DLGAP2: variants seen among roughly 807,000 people sequenced by gnomAD.
The protein encoded by DLGAP2 is DLG associated protein 2.
Under a neutral mutation model 100.3 loss-of-function variants are expected in DLGAP2, and 26 were observed. That is an observed-to-expected ratio of 0.26 (90% CI 0.19 to 0.36). The LOEUF (loss-of-function observed/expected upper bound fraction) is 0.36, where lower values mean the gene tolerates loss of function less well. Ranked by LOEUF, DLGAP2 falls within the 10% of genes least tolerant of loss-of-function variation. The pLI, the probability that DLGAP2 is intolerant of heterozygous loss-of-function variation, is 1.00. For synonymous variants in DLGAP2, 886 were observed against 630.1 expected, an observed-to-expected ratio of 1.41 and a Z score of -6.08; for missense variants, 1,858 against 1,453.2, an observed-to-expected ratio of 1.28 and a Z score of -4.53.
At chr8:1,107,140 G>T (rs1220692169) in intron 2 of DLGAP2, among the ~76,000 whole-genome samples, 1 of 152,184 alleles carries the variant, frequency 6.6e-6, no homozygotes, top group African/African-American at 2.4e-5. Flanking sequence ...ATAAAAATCA[G>T]TGGGGGTACT....
intron 1 of DLGAP2, among the ~76,000 whole-genome samples, chr8:768,675 C>G (rs769423779): frequency 6.6e-6 from 1 of 151,892 alleles, no homozygotes; most frequent in African/African-American, 2.4e-5. Context: ...CTGCCCGCCT[C>G]GGCCTCCCAA....
At position 820,926 on chromosome 8, in the gene DLGAP2, T is replaced by C. The variant is rs575891224; in HGVS notation, c.18+83101T>C. Among the ~76,000 whole-genome samples, 3 of 152,260 alleles carry C rather than the reference T, an allele frequency of 2.0e-5. No homozygotes were observed. In the South Asian group the frequency reaches 6.2e-4, roughly 32 times the overall value. On this transcript the variant is annotated intron_variant, in intron 1 of 14. Transcript: ENST00000637795. ...TGTTAATATATTAATAGGAAGTGGATAAGTCTTGAAGAGCAGAATGTGAAT... is the reference window on the plus strand; with the variant it reads ...TGTTAATATATTAATAGGAAGTGGACAAGTCTTGAAGAGCAGAATGTGAAT...
chr8:1,069,429 G>T (rs1235157043), intron 2 of DLGAP2, among the ~76,000 whole-genome samples: 1 of 152,140 alleles, frequency 6.6e-6, no homozygotes, highest in Non-Finnish European at 1.5e-5. Context: ...TGTCCTCTCA[G>T]CCCTTAAGGT....
chr8:1,436,150 C>T (rs921434695), intron 3 of DLGAP2, among the ~76,000 whole-genome samples: 2 of 152,114 alleles, frequency 1.3e-5, no homozygotes, highest in Non-Finnish European at 2.9e-5. Flanking sequence ...GAACTCCCAC[C>T]ACAAGCCGTC....
At chr8:1,062,951 A>G (rs1803130927) in intron 2 of DLGAP2, among the ~76,000 whole-genome samples, 1 of 152,200 alleles carries the variant, frequency 6.6e-6, no homozygotes. Flanking sequence ...TTGCTATAGC[A>G]AAGATGCAGC....
chr8:1,407,102 C>G (rs1411017104), intron 3 of DLGAP2, among the ~76,000 whole-genome samples: 1 of 32,596 alleles, frequency 3.1e-5, no homozygotes, highest in Non-Finnish European at 5.2e-5. Flanking sequence ...CCCTCCTTGT[C>G]CTCCGGAGTC....
intron 6 of DLGAP2, among the ~76,000 whole-genome samples, chr8:1,582,738 C>T (rs537489095): frequency 6.6e-6 from 1 of 152,132 alleles, no homozygotes; most frequent in Non-Finnish European, 1.5e-5. Flanking sequence ...TACAAGTGTG[C>T]ACCACCACAC....
At chr8:1,224,812 G>A (rs979991946) in intron 2 of DLGAP2, among the ~76,000 whole-genome samples, 7 of 152,310 alleles carry the variant, frequency 4.6e-5, no homozygotes, top group African/African-American at 1.7e-4. Context: ...TATACAAATG[G>A]TCAACAAGCA....
chr8:1,471,526 C>T (rs1208252097), intron 3 of DLGAP2, among the ~76,000 whole-genome samples: 6 of 148,820 alleles, frequency 4.0e-5, no homozygotes, highest in Non-Finnish European at 7.4e-5. Context: ...GATGCCCTCC[C>T]CTCCCCTCCC....
At position 825,770 on chromosome 8, in the gene DLGAP2, T is replaced by G. The variant is rs529074924; in HGVS notation, c.19-82142T>G. On this transcript the variant is annotated intron_variant, in intron 1 of 14. Coordinates refer to ENST00000637795, the MANE Select transcript of DLGAP2 (RefSeq NM_001346810.2). ...TACTTGGGATATTTTGATACAGGCATGCACTTCAAAATAATCACATCAGGA... is the reference window on the plus strand; with the variant it reads ...TACTTGGGATATTTTGATACAGGCAGGCACTTCAAAATAATCACATCAGGA... 2.4e-3 allele frequency among the ~76,000 whole-genome samples: 361 copies of G among 152,350 alleles called. 1 individual carries two copies. The highest frequency in any genetic ancestry group is 0.014 in the Middle Eastern group (4 of 294).
At chr8:984,660 A>G (rs1319454448) in intron 2 of DLGAP2, among the ~76,000 whole-genome samples, 1 of 152,212 alleles carries the variant, frequency 6.6e-6, no homozygotes, top group East Asian at 1.9e-4. Flanking sequence ...CTCCCAGTCA[A>G]TACGCCGACC....
chr8:862,289 T>C (rs558086929), intron 1 of DLGAP2, among the ~76,000 whole-genome samples: 237 of 151,468 alleles, frequency 1.6e-3, no homozygotes, highest in African/African-American at 5.4e-3. Context: ...GTCAGGAGGA[T>C]TGGACTCCAG....
At chr8:962,053 A>G (rs1270663244) in intron 2 of DLGAP2, among the ~76,000 whole-genome samples, 1 of 152,250 alleles carries the variant, frequency 6.6e-6, no homozygotes, top group Non-Finnish European at 1.5e-5. Flanking sequence ...AAGTGTAATC[A>G]TTAATGAGAT....
At chr8:1,548,474 A>AC (rs998880562) in intron 4 of DLGAP2, among the ~76,000 whole-genome samples, 152 bp from the exon 5 acceptor site, 2 of 149,818 alleles carry the variant, frequency 1.3e-5, no homozygotes, top group African/African-American at 2.5e-5. Context: ...AAAAAAAAAA[A>AC]AAAAAAAAAA....
intron 3 of DLGAP2, among the ~76,000 whole-genome samples, chr8:1,468,749 A>G (rs1412094788): frequency 1.3e-5 from 2 of 150,440 alleles, no homozygotes; most frequent in Non-Finnish European, 2.9e-5. Context: ...CCAGAAGACC[A>G]AAGCTGAGGC....
At chr8:1,218,456 G>C (rs1206392711) in intron 2 of DLGAP2, among the ~76,000 whole-genome samples, 3 of 151,308 alleles carry the variant, frequency 2.0e-5, no homozygotes, top group Non-Finnish European at 4.4e-5. Flanking sequence ...ATGTGTCTGG[G>C]TTTTGTTGTT....
intron 2 of DLGAP2, among the ~76,000 whole-genome samples, chr8:948,036 G>C (rs1010648615): frequency 8.3e-6 from 1 of 119,938 alleles, no homozygotes; most frequent in African/African-American, 3.1e-5. Context: ...GCCAGCCCGC[G>C]TGCGTCATGA....
intron 2 of DLGAP2, among the ~76,000 whole-genome samples, chr8:1,117,327 C>T (rs535904915): frequency 3.9e-5 from 6 of 152,294 alleles, no homozygotes; most frequent in East Asian, 3.9e-4. Flanking sequence ...ACACTGGGGA[C>T]GCCACGCTGG....
intron 3 of DLGAP2, among the ~76,000 whole-genome samples, chr8:1,362,882 T>C (rs1802018078): frequency 6.6e-6 from 1 of 152,224 alleles, no homozygotes; most frequent in Non-Finnish European, 1.5e-5. Flanking sequence ...TCTCTTGTCT[T>C]TTCCCTTCTC....
Sources: gnomAD v4.1 joint callset for allele counts (sites outside exome capture counted in the v4.1 genomes callset) on GRCh38, gnomAD v4.1.1 for gene constraint, MANE v1.5 for transcripts, NCBI Gene and HGNC (gene_info 2026-07-23, HGNC 2026-07-21) for gene names.